CCDC146: variants seen among roughly 807,000 people sequenced by gnomAD.
CCDC146 encodes coiled-coil domain-containing protein 146.
In CCDC146, 92 loss-of-function variants were observed where a neutral mutation model predicts 119.3. The ratio of observed to expected loss-of-function variants is 0.77; its 90% CI spans 0.65 to 0.92. The LOEUF is 0.92. CCDC146 is among the 40% of genes least tolerant of loss of function. The pLI, the probability that CCDC146 is intolerant of heterozygous loss-of-function variation, is 0.00. For synonymous variants in CCDC146, 372 were observed against 371.8 expected, an observed-to-expected ratio of 1.00 and a Z score of -0.01; for missense variants, 1,000 against 1,103.0, an observed-to-expected ratio of 0.91 and a Z score of 1.32.
chr7:77,126,253 G>T (rs1332697680), intron 1 of CCDC146, among the ~76,000 whole-genome samples: 1 of 152,058 alleles, frequency 6.6e-6, no homozygotes, highest in Non-Finnish European at 1.5e-5. Flanking sequence ...GTGTATTACA[G>T]TGATTGATTT....
intron 4 of CCDC146, chr7:77,242,425 GA>G (rs1792867485): frequency 1.0e-6 from 1 of 979,964 alleles, no homozygotes; most frequent in African/African-American, 1.8e-5. Flanking sequence ...GGATCAAGGA[GA>G]AAAGGTATAT....
chr7:77,259,858 C>T (rs1404600714), intron 7 of CCDC146, 151 bp from the exon 8 acceptor site: 7 of 613,664 alleles, frequency 1.1e-5, no homozygotes, highest in Admixed American at 3.0e-5. Flanking sequence ...CTGCTGAGAT[C>T]ATTGAATTTA....
intron 2 of CCDC146, among the ~76,000 whole-genome samples, chr7:77,168,651 C>T (rs898318010): frequency 9.9e-5 from 15 of 151,990 alleles, no homozygotes; most frequent in African/African-American, 3.6e-4. Flanking sequence ...ATCTAAATTG[C>T]TAAATTGTTC....
Position 77,147,458 on chromosome 7 carries a change from T to G in CCDC146, c.-11-20200T>G, listed in dbSNP as rs138578824. 4.8e-3 allele frequency among the ~76,000 whole-genome samples: 733 copies of G among 152,366 alleles called. 7 individuals carry two copies. The highest frequency in any genetic ancestry group is 0.017 in the African/African-American group (710 of 41,594). On this transcript the variant is annotated intron_variant, in intron 1 of 18. Coordinates refer to ENST00000285871, the MANE Select transcript of CCDC146 (RefSeq NM_020879.3). ...CTTTGTTCCGTTCCTGGCGAGGAGC[T>G]GTGTTCCTTTGGAGGGGGAGAGGTG...
At chr7:77,273,120 C>T (rs1793557969) in intron 9 of CCDC146, among the ~76,000 whole-genome samples, 1 of 152,160 alleles carries the variant, frequency 6.6e-6, no homozygotes. Context: ...TCCAAGTCTA[C>T]CTCCCTGGGT....
intron 2 of CCDC146, among the ~76,000 whole-genome samples, chr7:77,178,484 T>A (rs1791533691): frequency 6.6e-6 from 1 of 152,214 alleles, no homozygotes; most frequent in South Asian, 2.1e-4. Context: ...CTACCCTCAG[T>A]GGCCCATCTG....
At chr7:77,157,358 A>G (rs1317337328) in intron 1 of CCDC146, among the ~76,000 whole-genome samples, 1 of 142,790 alleles carries the variant, frequency 7.0e-6, no homozygotes, top group Non-Finnish European at 1.5e-5. Context: ...AAGCATTGCC[A>G]TTTTATTGTC....
intron 2 of CCDC146, among the ~76,000 whole-genome samples, chr7:77,211,545 A>G (rs892479839): frequency 6.6e-6 from 1 of 152,100 alleles, no homozygotes; most frequent in Non-Finnish European, 1.5e-5. Flanking sequence ...TTGAAGGGTT[A>G]TTCACCAAGA....
chr7:77,254,599 G>C, intron 5 of CCDC146, 36 bp downstream of exon 5: 1 of 1,139,562 alleles, frequency 8.8e-7, no homozygotes. Context: ...CTTAAATACA[G>C]CTGGATTCAA....
chr7:77,167,528 T>C (rs369327942), intron 1 of CCDC146, 130 bp from the exon 2 acceptor site: 107 of 631,160 alleles, frequency 1.7e-4, no homozygotes, highest in Middle Eastern at 4.7e-4. Context: ...GTAGCTAACT[T>C]TCCTGATTTG....
chr7:77,158,381 C>T (rs4729183), intron 1 of CCDC146, among the ~76,000 whole-genome samples: 61,312 of 150,546 alleles, frequency 0.41, 13,679 homozygotes, highest in Non-Finnish European at 0.5. Context: ...ATTCTCTGTT[C>T]ATATCACCGT....
chr7:77,160,666 T>G (rs1791247211), intron 1 of CCDC146, among the ~76,000 whole-genome samples: 1 of 152,136 alleles, frequency 6.6e-6, no homozygotes, highest in Non-Finnish European at 1.5e-5. Flanking sequence ...AAGGAGATTT[T>G]GGGCTGAGAC....
intron 17 of CCDC146, among the ~76,000 whole-genome samples, chr7:77,292,320 T>C (rs1395978308): frequency 8.9e-6 from 1 of 112,768 alleles, no homozygotes; most frequent in Non-Finnish European, 1.8e-5. Context: ...TTTTTTTTTT[T>C]AAAGAACATC....
At chr7:77,131,075 G>A (rs980890034) in intron 1 of CCDC146, among the ~76,000 whole-genome samples, 2 of 151,920 alleles carry the variant, frequency 1.3e-5, no homozygotes, top group African/African-American at 4.8e-5. Context: ...TAAAGACGGG[G>A]TTTCACCATG....
At chr7:77,191,129 A>C (rs922380791) in intron 2 of CCDC146, among the ~76,000 whole-genome samples, 1 of 152,230 alleles carries the variant, frequency 6.6e-6, no homozygotes, top group African/African-American at 2.4e-5. Flanking sequence ...AACTTTAAGC[A>C]AAAACAGCAT....
At chr7:77,232,392 A>G (rs971567155) in intron 2 of CCDC146, among the ~76,000 whole-genome samples, 4 of 152,062 alleles carry the variant, frequency 2.6e-5, no homozygotes, top group Non-Finnish European at 5.9e-5. Context: ...TCAAGTGTGA[A>G]TTTTTTTACT....
rs940195530 is a variant in CCDC146, at chr7:77,197,093, A to G, written c.156+29269A>G. 15 of 705,944 alleles carry G rather than the reference A, an allele frequency of 2.1e-5. No individual in the cohort carries two copies. The African/African-American group carries it at 2.1e-4, about 10-fold the overall frequency. 43.7% of individuals were successfully genotyped at this position (705,944 alleles called of 1,614,324 possible). The stretch of plus-strand genomic sequence containing the variant: ...GTTTGATAATTGAATCAATGGCAGT[A>G]ATGAAACTTTACTAAACTTACTTGA... On this transcript the variant is annotated intron_variant, in intron 2 of 18. Transcript: ENST00000285871.
chr7:77,241,717 T>C lies in CCDC146; in HGVS notation c.266T>C (p.Leu89Pro), dbSNP rs1792853485. 1.9e-6 allele frequency: 3 copies of C among 1,613,988 alleles called. No individual in the cohort carries two copies. The highest frequency in any genetic ancestry group is 3.3e-5 in the Admixed American group (2 of 60,028). Reference protein sequence around the residue: ...MSTQESEVQLLQNAKRFTEQI... With the variant: ...MSTQESEVQLPQNAKRFTEQI... ...ACACAAGAGTCAGAGGTCCAACTGC[T>C]ACAGAATGCCAAACGTTTCACTGAG... is the stretch of plus-strand genomic sequence containing the variant. The change falls in exon 4 of 19, where the codon CTA (leucine) becomes CCA (proline). Residue 89 changes from leucine to proline, a missense_variant. Physicochemically the swap from Leu to Pro is moderately conservative, Grantham distance 98. This residue lies in a region of CCDC146 where 985 missense variants were observed against 1,045.3 expected (regional missense o/e 0.94). Transcript: ENST00000285871.
At position 77,168,315 on chromosome 7, in the gene CCDC146, G is replaced by A. The variant is rs536206478; in HGVS notation, c.156+491G>A. On this transcript the variant is annotated intron_variant, in intron 2 of 18. Transcript: ENST00000285871. ...ATTCTCATTATGTGAACTTTAAAAAGCAAGATGAACATTTAGGAAATACCC... is the reference window on the plus strand; with the variant it reads ...ATTCTCATTATGTGAACTTTAAAAAACAAGATGAACATTTAGGAAATACCC... Among the ~76,000 whole-genome samples the A allele has an allele frequency of 6.6e-5, 10 of 151,210 alleles. No homozygotes were observed. In the East Asian group the frequency reaches 1.7e-3, roughly 26 times the overall value.
Sources: gnomAD v4.1 joint callset for allele counts (sites outside exome capture counted in the v4.1 genomes callset) on GRCh38, gnomAD v4.1.1 for gene constraint, gnomAD v4.1.1 regional missense constraint, MANE v1.5 for transcripts, NCBI Gene and HGNC (gene_info 2026-07-23, HGNC 2026-07-21) for gene names.